Variants in ADAMTS19 observed in about 807,000 individuals in gnomAD.
ADAMTS19 encodes the protein A disintegrin and metalloproteinase with thrombospondin motifs 19.
ADAMTS19 carries 93 observed loss-of-function variants against 153.3 expected under a neutral mutation model. That is an observed-to-expected ratio of 0.61 (90% CI 0.51 to 0.72). The LOEUF (loss-of-function observed/expected upper bound fraction) is 0.72. ADAMTS19 is among the 30% of genes least tolerant of loss of function. ADAMTS19 has a pLI of 0.00. For synonymous variants in ADAMTS19, 600 were observed against 556.6 expected (o/e 1.08, Z -1.10); for missense variants, 1,482 against 1,552.1 (o/e 0.95, Z 0.76).
intron 7 of ADAMTS19, among the ~76,000 whole-genome samples, chr5:129,565,271 A>G (rs1283551053): frequency 2.6e-5 from 4 of 152,148 alleles, no homozygotes; most frequent in Non-Finnish European, 5.9e-5. Flanking sequence ...CTTTGTTTTC[A>G]TTTAATCCAG....
At chr5:129,556,288 A>C (rs1753308427) in intron 7 of ADAMTS19, among the ~76,000 whole-genome samples, 1 of 152,178 alleles carries the variant, frequency 6.6e-6, no homozygotes, top group African/African-American at 2.4e-5. Context: ...ATTAGGATTC[A>C]TTTCACAATG....
chr5:129,651,895 A>G lies in ADAMTS19; in HGVS notation c.2177-2411A>G, dbSNP rs548529345. On this transcript the variant is annotated intron_variant, in intron 13 of 22. Transcript: ENST00000274487. ...AATCAATATGACTGTTCACATCATGAAAATTTTCTGATTATTTGAATGTTA... is the reference window on the plus strand; with the variant it reads ...AATCAATATGACTGTTCACATCATGGAAATTTTCTGATTATTTGAATGTTA... Among the ~76,000 whole-genome samples the G allele has an allele frequency of 4.6e-5, 7 of 152,318 alleles. No individual in the cohort carries two copies. In the South Asian group the frequency reaches 1.4e-3, roughly 32 times the overall value.
At chr5:129,594,139 A>G (rs1750266953) in intron 7 of ADAMTS19, among the ~76,000 whole-genome samples, 1 of 152,178 alleles carries the variant, frequency 6.6e-6, no homozygotes, top group Non-Finnish European at 1.5e-5. Flanking sequence ...CATATATTTC[A>G]ATAGTATGTT....
intron 3 of ADAMTS19, among the ~76,000 whole-genome samples, chr5:129,523,395 G>T (rs1011814326): frequency 6.6e-6 from 1 of 152,150 alleles, no homozygotes; most frequent in African/African-American, 2.4e-5. Flanking sequence ...AAATATAAAA[G>T]GTGCCAGTCA....
intron 16 of ADAMTS19, among the ~76,000 whole-genome samples, chr5:129,667,093 C>CT (rs1561637804): frequency 6.6e-6 from 1 of 152,154 alleles, no homozygotes; most frequent in East Asian, 1.9e-4. Context: ...ATAAGGTCAG[C>CT]AAATGCCCTC....
intron 6 of ADAMTS19, among the ~76,000 whole-genome samples, chr5:129,537,963 G>T (rs1381201148): frequency 1.3e-5 from 2 of 151,716 alleles, no homozygotes; most frequent in Admixed American, 1.3e-4. Flanking sequence ...AGAAAAAAAA[G>T]AGTAGTAAAT....
At chr5:129,683,951 C>T (rs1382562777) in intron 17 of ADAMTS19, among the ~76,000 whole-genome samples, 169 bp from the exon 18 acceptor site, 2 of 151,490 alleles carry the variant, frequency 1.3e-5, no homozygotes, top group African/African-American at 4.9e-5. Context: ...AGAATAATGT[C>T]ACGTTTCTAG....
rs34995544 is a variant in ADAMTS19, at chr5:129,674,231, C to CA, written c.2507-5520dup. Among the ~76,000 whole-genome samples, 249 of 148,534 alleles carry CA rather than the reference C, an allele frequency of 1.7e-3. 2 individuals are homozygous for CA. The highest frequency in any genetic ancestry group is 5.0e-3 in the African/African-American group (201 of 40,216). On this transcript the variant is annotated intron_variant, in intron 16 of 22. Transcript: ENST00000274487. ...AGGCAACAAGAGCGAAACTCCATCTCAAAAAAAAAAAAATCATTAAATCCA... is the reference window on the plus strand; with the variant it reads ...AGGCAACAAGAGCGAAACTCCATCTCAAAAAAAAAAAAAATCATTAAATCCA...
intron 16 of ADAMTS19, among the ~76,000 whole-genome samples, chr5:129,675,299 C>CA (rs1267648066): frequency 6.6e-6 from 1 of 152,074 alleles, no homozygotes; most frequent in African/African-American, 2.4e-5. Flanking sequence ...TAGACTGTAT[C>CA]AAATTTGGAA....
chr5:129,569,421 C>G (rs1325813931), intron 7 of ADAMTS19, among the ~76,000 whole-genome samples: 1 of 152,048 alleles, frequency 6.6e-6, no homozygotes, highest in African/African-American at 2.4e-5. Context: ...ATTGATAAAA[C>G]CAGTAAACAG....
intron 8 of ADAMTS19, among the ~76,000 whole-genome samples, chr5:129,612,022 G>A (rs1478152583): frequency 6.6e-6 from 1 of 151,734 alleles, no homozygotes; most frequent in East Asian, 1.9e-4. Context: ...TGTGCACAAT[G>A]TGCAGTTTGT....
chr5:129,682,834 C>A (rs1297304981), intron 17 of ADAMTS19, among the ~76,000 whole-genome samples: 2 of 151,914 alleles, frequency 1.3e-5, no homozygotes, highest in African/African-American at 2.4e-5. Flanking sequence ...CACTAGTCTC[C>A]CAATCCGCAC....
intron 7 of ADAMTS19, among the ~76,000 whole-genome samples, chr5:129,556,271 C>T (rs529455122): frequency 2.0e-5 from 3 of 152,162 alleles, no homozygotes; most frequent in African/African-American, 7.2e-5. Flanking sequence ...CCTTTTAAAT[C>T]CCTGAAATTA....
chr5:129,696,000 G>A (rs1017953440), intron 19 of ADAMTS19, among the ~76,000 whole-genome samples: 2 of 152,164 alleles, frequency 1.3e-5, no homozygotes, highest in Admixed American at 6.6e-5. Context: ...AGGTATGGGG[G>A]AGGGAAGAGG....
At chr5:129,584,022 C>T (rs986444981) in intron 7 of ADAMTS19, among the ~76,000 whole-genome samples, 1 of 152,052 alleles carries the variant, frequency 6.6e-6, no homozygotes, top group African/African-American at 2.4e-5. Flanking sequence ...AGCCTTTTTG[C>T]GCTGGTTTCT....
Position 129,524,797 on chromosome 5 carries a change from A to G in ADAMTS19, c.914-1487A>G, listed in dbSNP as rs1352702011. ...CGAAGGAAAAGAAAATATCAACACC[A>G]CAGATATCTCCCTTGTGCCCATGCC... On this transcript the variant is annotated intron_variant, in intron 3 of 22. Coordinates refer to ENST00000274487, the MANE Select transcript of ADAMTS19 (RefSeq NM_133638.6). Among the ~76,000 whole-genome samples the G allele has an allele frequency of 3.3e-5, 5 of 151,704 alleles. No homozygotes were observed. In the East Asian group the frequency reaches 9.7e-4, roughly 29 times the overall value.
intron 20 of ADAMTS19, 126 bp downstream of exon 20, chr5:129,701,718 TGA>T: frequency 1.3e-5 from 2 of 155,620 alleles, no homozygotes; most frequent in South Asian, 1.1e-4. Context: ...TTAATTTTGT[TGA>T]TGATTAAAGG....
intron 7 of ADAMTS19, among the ~76,000 whole-genome samples, chr5:129,594,233 TTAG>T (rs1750270103): frequency 6.6e-6 from 1 of 152,122 alleles, no homozygotes; most frequent in African/African-American, 2.4e-5. Context: ...AAGTATAATA[TTAG>T]AATGGATACT....
intron 16 of ADAMTS19, among the ~76,000 whole-genome samples, chr5:129,669,708 T>C (rs754471469): frequency 4.6e-5 from 7 of 152,136 alleles, no homozygotes; most frequent in Non-Finnish European, 8.8e-5. Context: ...TAAGAGTTTA[T>C]AGGTATACAT....
Sources: allele counts gnomAD v4.1 joint callset (sites outside exome capture counted in the v4.1 genomes callset), GRCh38; gene constraint gnomAD v4.1.1; transcripts MANE v1.5; gene names NCBI Gene and HGNC (gene_info 2026-07-23, HGNC 2026-07-21).